The following SLC16A14 variants were observed in gnomAD, a reference collection of about 807,000 sequenced individuals.
SLC16A14 encodes solute carrier family 16 member 14, also known as monocarboxylate transporter 14.
Under a neutral mutation model 35.8 loss-of-function variants are expected in SLC16A14, and 14 were observed. That is an observed-to-expected ratio of 0.39 (90% CI 0.26 to 0.61). The LOEUF is 0.61. Ranked by LOEUF, SLC16A14 falls within the 20% of genes least tolerant of loss-of-function variation. The pLI is 0.51. For synonymous variants in SLC16A14, 248 were observed against 258.9 expected (o/e 0.96, Z 0.40); for missense variants, 533 against 655.0 (o/e 0.81, Z 2.03).
intron 1 of SLC16A14, among the ~76,000 whole-genome samples, chr2:230,063,218 G>C (rs2077764778): frequency 6.6e-6 from 1 of 151,030 alleles, no homozygotes; most frequent in South Asian, 2.1e-4. Context: ...AGCTGTGGGG[G>C]TGAAGGTTGC....
intron 3 of SLC16A14, among the ~76,000 whole-genome samples, chr2:230,048,462 G>T (rs1395178266): frequency 6.6e-6 from 1 of 152,220 alleles, no homozygotes; most frequent in Non-Finnish European, 1.5e-5. Flanking sequence ...GGAAATTGTG[G>T]CTGGGAATAT....
At chr2:230,053,123 A>G (rs1367576990) in intron 2 of SLC16A14, among the ~76,000 whole-genome samples, 1 of 152,016 alleles carries the variant, frequency 6.6e-6, no homozygotes, top group African/African-American at 2.4e-5. Context: ...TTGTATTTTT[A>G]GTAGAGACAG....
intron 3 of SLC16A14, among the ~76,000 whole-genome samples, chr2:230,048,537 T>G (rs1193900141): frequency 2.0e-5 from 3 of 152,246 alleles, no homozygotes; most frequent in African/African-American, 7.2e-5. Flanking sequence ...TCACTGGGAA[T>G]GACAACCTAA....
chr2:230,062,776 T>G (rs1292412850), intron 1 of SLC16A14, among the ~76,000 whole-genome samples: 1 of 152,192 alleles, frequency 6.6e-6, no homozygotes, highest in East Asian at 1.9e-4. Flanking sequence ...AGCAACTTAG[T>G]GGATCTGTCT....
At chr2:230,064,804 AG>A (rs1283797639) in intron 1 of SLC16A14, among the ~76,000 whole-genome samples, 1 of 152,122 alleles carries the variant, frequency 6.6e-6, no homozygotes, top group Admixed American at 6.5e-5. Context: ...TGAGGTCGGG[AG>A]TGTGAGACCA....
chr2:230,051,760 T>C lies in SLC16A14; in HGVS notation c.260-1856A>G, dbSNP rs115614887. ...AGTTTCCTTTAAAGTTCTAACTATA[T>C]TCATGTGTATATCTGGGTACAGTCA... On this transcript the variant is annotated intron_variant, in intron 2 of 4. Transcript: ENST00000295190. Among the ~76,000 whole-genome samples the C allele has an allele frequency of 4.4e-3, 667 of 152,328 alleles. 8 individuals are homozygous for C. The highest frequency in any genetic ancestry group is 0.013 in the African/African-American group (560 of 41,560).
intron 4 of SLC16A14, 36 bp downstream of exon 4, chr2:230,045,709 A>G (rs528517502): frequency 2.5e-6 from 4 of 1,613,028 alleles, no homozygotes; most frequent in Non-Finnish European, 3.4e-6. Context: ...CCATATGTAC[A>G]TGCACTCTGA....
chr2:230,061,780 C>T (rs1234959367), intron 1 of SLC16A14, among the ~76,000 whole-genome samples: 1 of 145,944 alleles, frequency 6.9e-6, no homozygotes, highest in Non-Finnish European at 1.5e-5. Flanking sequence ...GTTGCTCTGT[C>T]ACCCAGGCTG....
Position 230,037,289 on chromosome 2 carries a change from C to T in SLC16A14, c.*91G>A, listed in dbSNP as rs2077525911. The T allele has an allele frequency of 7.8e-7, 1 of 1,284,428 alleles. No homozygotes were observed. The highest frequency in any genetic ancestry group is 1.7e-5 in the South Asian group (1 of 58,750). The allele number at this position is 1,284,428 out of a possible 1,614,324, so 79.6% of individuals were successfully genotyped here. ...ACAGTGCCAGTTACCGTACAAAATG[C>T]TTTCCCACGTCCTGTCATAGGTGCC... is the stretch of plus-strand genomic sequence containing the variant. On this transcript the variant is annotated 3_prime_UTR_variant, in exon 5 of 5. Coordinates refer to ENST00000295190, the MANE Select transcript of SLC16A14 (RefSeq NM_152527.5).
chr2:230,059,309 C>G lies in SLC16A14; in HGVS notation c.44G>C (p.Gly15Ala). 6.2e-7 allele frequency: 1 copy of G among 1,610,408 alleles called. No individual in the cohort carries two copies. ...CTTCAGTGTCTTTTTGTCTTTGGGG[C>G]CATCTTCAAAATCATACCCAATATC... is the stretch of plus-strand genomic sequence containing the variant. Reference protein sequence around the residue: ...HEDIGYDFEDGPKDKKTLKPH... With the variant: ...HEDIGYDFEDAPKDKKTLKPH... Residue 15 changes from glycine (G) to alanine (A), a missense_variant, in exon 2 of 5, where the codon GGC becomes GCC. By Grantham distance (60) the Gly-to-Ala change is moderately conservative. Coordinates refer to ENST00000295190, the MANE Select transcript of SLC16A14 (RefSeq NM_152527.5).
chr2:230,056,247 T>C (rs1001766518), intron 2 of SLC16A14, among the ~76,000 whole-genome samples: 5 of 143,242 alleles, frequency 3.5e-5, no homozygotes, highest in African/African-American at 1.3e-4. Context: ...GTTACTAATA[T>C]TGGTGTTTTT....
chr2:230,039,848 C>G (rs778985806), intron 4 of SLC16A14, among the ~76,000 whole-genome samples: 1 of 152,108 alleles, frequency 6.6e-6, no homozygotes, highest in Non-Finnish European at 1.5e-5. Flanking sequence ...ACGTGAACCT[C>G]GAAAATAGGA....
chr2:230,061,993 C>G (rs563936200), intron 1 of SLC16A14, among the ~76,000 whole-genome samples: 3 of 152,134 alleles, frequency 2.0e-5, no homozygotes, highest in Admixed American at 1.3e-4. Flanking sequence ...CCTCCTGCCT[C>G]GGCTTTCAAA....
At position 230,046,364 on chromosome 2, in the gene SLC16A14, C is replaced by A; in HGVS notation, c.762G>T (p.Gly254=). The A allele has an allele frequency of 6.2e-7, 1 of 1,614,208 alleles. No homozygotes were observed. The highest frequency in any genetic ancestry group is 8.5e-7 in the Non-Finnish European group (1 of 1,180,044). ...GRTEEKDGGL[G]NEETLCDLQA... ...GCAGGTCGCAGAGGGTCTCCTCGTT[C>A]CCGAGCCCACCATCCTTCTCTTCTG... The change falls in exon 4 of 5, where the codon GGG becomes GGT. Residue 254 remains glycine, a synonymous_variant. Coordinates refer to ENST00000295190, the MANE Select transcript of SLC16A14 (RefSeq NM_152527.5). This position sits in a 1 kb window ranked among gnomAD's most constrained non-coding sequence, Gnocchi z 5.0.
Position 230,046,058 on chromosome 2 carries a change from C to T in SLC16A14, c.1068G>A (p.Thr356=), listed in dbSNP as rs777180822. ...AGATGTGAACTATTGCTATAATTGACGTCAGAGGGAAAACGTCGTTTTGCT... is the reference window on the plus strand; with the variant it reads ...AGATGTGAACTATTGCTATAATTGATGTCAGAGGGAAAACGTCGTTTTGCT... The part of the protein sequence containing the change: ...LSEQNDVFPL[T]SIIAIVHIFG... Residue 356 remains threonine (T), a synonymous_variant, in exon 4 of 5, where the codon ACG becomes ACA. Coordinates refer to ENST00000295190, the MANE Select transcript of SLC16A14 (RefSeq NM_152527.5). The surrounding 1 kb of genome is among the most constrained non-coding windows in gnomAD (Gnocchi z 5.0). The T allele has an allele frequency of 1.7e-5, 28 of 1,613,984 alleles. No individual in the cohort carries two copies. Among genetic ancestry groups the T allele is most frequent in the South Asian group, 4.4e-5 (4 of 91,086 alleles).
chr2:230,037,607 A>G (rs2077528810), intron 4 of SLC16A14, 76 bp from the exon 5 acceptor site: 1 of 1,216,460 alleles, frequency 8.2e-7, no homozygotes, highest in African/African-American at 1.5e-5. Flanking sequence ...GCAGGCATTT[A>G]TTGCTGCTGT....
chr2:230,040,305 A>C (rs1424817121), intron 4 of SLC16A14, among the ~76,000 whole-genome samples: 1 of 151,430 alleles, frequency 6.6e-6, no homozygotes, highest in Non-Finnish European at 1.5e-5. Context: ...TGCAGCCTCC[A>C]CTCCCCCGGG....
At position 230,035,063 on chromosome 2, in the gene SLC16A14, T is replaced by C. The variant is rs969259872; in HGVS notation, c.*2317A>G. The C allele has an allele frequency of 2.6e-5, 4 of 152,348 alleles. No homozygotes were observed. Among genetic ancestry groups the C allele is most frequent in the African/African-American group, 9.6e-5 (4 of 41,580 alleles). The allele number at this position is 152,348 out of a possible 1,614,324, so 9.4% of individuals were successfully genotyped here. On this transcript the variant is annotated 3_prime_UTR_variant, in exon 5 of 5. Transcript: ENST00000295190. The stretch of plus-strand genomic sequence containing the variant: ...GAGGGGAAAACGATAAAGCACATGA[T>C]ATAAATATACAATTAACCCTTTATA...
At position 230,068,473 on chromosome 2, in the gene SLC16A14, G is replaced by A. The variant is rs1459681609; in HGVS notation, c.-15+82C>T. The A allele has an allele frequency of 1.3e-5, 2 of 152,708 alleles. No homozygotes were observed. Among genetic ancestry groups the A allele is most frequent in the African/African-American group, 4.8e-5 (2 of 41,444 alleles). 9.5% of individuals were successfully genotyped at this position (152,708 alleles called of 1,614,324 possible). ...TCCCGGGGGTCCCTGGGGGTGCAGC[G>A]GCCATCTGAAACCTAGGCTCCGATG... On this transcript the variant is annotated intron_variant, in intron 1 of 4. Transcript: ENST00000295190. The surrounding 1 kb of genome is among the most constrained non-coding windows in gnomAD (Gnocchi z 5.1).
Sources: gnomAD v4.1 joint callset for allele counts (sites outside exome capture counted in the v4.1 genomes callset) on GRCh38, gnomAD v4.1.1 for gene constraint, Gnocchi (gnomAD v3.1) non-coding constraint, MANE v1.5 for transcripts, NCBI Gene and HGNC (gene_info 2026-07-23, HGNC 2026-07-21) for gene names.